ATP10A: variants seen among roughly 807,000 people sequenced by gnomAD.
ATP10A encodes the protein ATPase phospholipid transporting 10A (putative), also known as phospholipid-transporting ATPase VA.
A neutral mutation model predicts 147.8 loss-of-function variants in ATP10A; 111 were observed. That is an observed-to-expected ratio of 0.75 (90% CI 0.64 to 0.88). ATP10A has a LOEUF of 0.88. ATP10A is among the 40% of genes least tolerant of loss of function. ATP10A has a pLI of 0.00. For synonymous variants in ATP10A, 875 were observed against 841.6 expected (o/e 1.04, Z -0.69); for missense variants, 1,927 against 1,959.0 (o/e 0.98, Z 0.31).
intron 2 of ATP10A, among the ~76,000 whole-genome samples, chr15:25,744,922 A>G (rs904583786): frequency 2.6e-5 from 4 of 152,224 alleles, no homozygotes; most frequent in African/African-American, 9.6e-5. Flanking sequence ...AAATCTGACT[A>G]AAAAGCAACA....
chr15:25,753,082 G>A (rs181778724), intron 2 of ATP10A, among the ~76,000 whole-genome samples: 4 of 152,220 alleles, frequency 2.6e-5, no homozygotes, highest in African/African-American at 7.2e-5. Context: ...AGTACCTGAC[G>A]ATTTTGTGGT....
At chr15:25,833,782 C>G (rs1892469927) in intron 1 of ATP10A, among the ~76,000 whole-genome samples, 1 of 152,192 alleles carries the variant, frequency 6.6e-6, no homozygotes, top group African/African-American at 2.4e-5. Flanking sequence ...ACCATCCTGG[C>G]TAATACGGTG....
intron 1 of ATP10A, among the ~76,000 whole-genome samples, chr15:25,785,194 C>A (rs1222579088): frequency 3.9e-5 from 6 of 152,122 alleles, no homozygotes; most frequent in African/African-American, 1.4e-4. Context: ...CTAATGTCCC[C>A]TGAACTGTGT....
chr15:25,817,682 T>C (rs1348578), intron 1 of ATP10A, among the ~76,000 whole-genome samples: 145,882 of 152,274 alleles, frequency 0.96, 70,215 homozygotes, highest in East Asian at 1. Context: ...ACACTGATCA[T>C]CACCATGGTT....
At position 25,679,735 on chromosome 15, in the gene ATP10A, T is replaced by C; in HGVS notation, c.4106A>G (p.Glu1369Gly). The change falls in exon 21 of 21, where the codon GAG becomes GGG. Residue 1369 changes from glutamate to glycine, a missense_variant. Physicochemically the swap from Glu to Gly is moderately conservative, Grantham distance 98. Coordinates refer to ENST00000555815, the MANE Select transcript of ATP10A (RefSeq NM_024490.4). ...QPVCSLEASG[E>G]PSTVDMSMPV... ...CATGCTCATGTCCACTGTGCTGGGC[T>C]CCCCGCTGGCCTCCAGGGAGCAGAC... 6.2e-7 allele frequency: 1 copy of C among 1,613,258 alleles called. No individual in the cohort carries two copies. The highest frequency in any genetic ancestry group is 8.5e-7 in the Non-Finnish European group (1 of 1,179,926).
intron 1 of ATP10A, among the ~76,000 whole-genome samples, chr15:25,787,990 TTCCCGCTAGGG>T (rs1890248995): frequency 6.6e-6 from 1 of 152,006 alleles, no homozygotes; most frequent in Non-Finnish European, 1.5e-5. Context: ...ACTGAGAGAG[TTCCCGCTAGGG>T]CAGGGTAGCT....
chr15:25,790,483 C>A (rs1450549782), intron 1 of ATP10A, among the ~76,000 whole-genome samples: 1 of 152,166 alleles, frequency 6.6e-6, no homozygotes. Flanking sequence ...GCGGAACTCA[C>A]CCCCAGAGGG....
intron 12 of ATP10A, among the ~76,000 whole-genome samples, chr15:25,703,851 C>G (rs922888553): frequency 6.6e-6 from 1 of 152,194 alleles, no homozygotes; most frequent in African/African-American, 2.4e-5. Context: ...CGGGGATGTA[C>G]TGGAAGGTGA....
chr15:25,830,833 T>G (rs1892323540), intron 1 of ATP10A, among the ~76,000 whole-genome samples: 1 of 152,200 alleles, frequency 6.6e-6, no homozygotes, highest in Non-Finnish European at 1.5e-5. Flanking sequence ...AGCACTTACC[T>G]GCTCCTGGGA....
At chr15:25,736,010 AGTT>A in intron 3 of ATP10A, 43 bp downstream of exon 3, 1 of 1,434,098 alleles carries the variant, frequency 7.0e-7, no homozygotes, top group South Asian at 1.1e-5. Context: ...CTGCCTATGT[AGTT>A]ATCAAACAGA....
At chr15:25,753,183 A>G (rs1034910285) in intron 2 of ATP10A, among the ~76,000 whole-genome samples, 4 of 152,080 alleles carry the variant, frequency 2.6e-5, no homozygotes, top group Non-Finnish European at 5.9e-5. Flanking sequence ...ACAGAACTCA[A>G]AAAATATGTA....
rs1901969200 is a variant in ATP10A, at chr15:25,718,367, A to T, written c.1396T>A (p.Ser466Thr). The T allele has an allele frequency of 6.2e-7, 1 of 1,607,556 alleles. No homozygotes were observed. The highest frequency in any genetic ancestry group is 1.8e-4 in the Middle Eastern group (1 of 5,516). Reference sequence around the variant, plus strand: ...CTGGGCACCACCTCCTCCTCCTCCGAGTCTGCCTCTTGGTACCTGGCCAGA... The same window carrying T: ...CTGGGCACCACCTCCTCCTCCTCCGTGTCTGCCTCTTGGTACCTGGCCAGA... ...QRLARYQEAD[S>T]EEEEVVPRGG... is the part of the protein sequence containing the mutation. Residue 466 changes from serine to threonine, a missense_variant, in exon 8 of 21, where the codon TCG becomes ACG. Ser to Thr is a moderately conservative substitution (Grantham distance 58, BLOSUM62 1). Coordinates refer to ENST00000555815, the MANE Select transcript of ATP10A (RefSeq NM_024490.4).
intron 1 of ATP10A, among the ~76,000 whole-genome samples, chr15:25,823,007 G>A (rs1891952893): frequency 6.6e-6 from 1 of 150,514 alleles, no homozygotes; most frequent in South Asian, 2.1e-4. Flanking sequence ...AAAAAAATAA[G>A]AACTATTGAT....
At chr15:25,814,871 T>A (rs1269123329) in intron 1 of ATP10A, among the ~76,000 whole-genome samples, 4 of 152,166 alleles carry the variant, frequency 2.6e-5, no homozygotes, top group Non-Finnish European at 4.4e-5. Context: ...ACTGCAAAGC[T>A]TGTCACAGCC....
At chr15:25,763,732 C>G (rs1888878023) in intron 2 of ATP10A, among the ~76,000 whole-genome samples, 2 of 152,166 alleles carry the variant, frequency 1.3e-5, no homozygotes, top group African/African-American at 4.8e-5. Context: ...TAATTAACTA[C>G]TTTGCAGATG....
chr15:25,697,765 T>C (rs1209448256), intron 13 of ATP10A, among the ~76,000 whole-genome samples: 1 of 152,170 alleles, frequency 6.6e-6, no homozygotes, highest in East Asian at 1.9e-4. Context: ...TCGGAAGAAT[T>C]CAGTATGGGA....
intron 1 of ATP10A, chr15:25,862,199 C>T (rs1221858758): frequency 1.1e-5 from 5 of 457,362 alleles, no homozygotes; most frequent in African/African-American, 8.0e-5. Context: ...TGTCCTGAGC[C>T]GAGCTGTTAG....
chr15:25,754,248 C>T (rs1354996067), intron 2 of ATP10A, among the ~76,000 whole-genome samples: 2 of 152,182 alleles, frequency 1.3e-5, no homozygotes, highest in African/African-American at 4.8e-5. Context: ...ATTCTCCTGC[C>T]TCAGCCTCCC....
At chr15:25,688,571 A>G (rs1470421803) in intron 15 of ATP10A, among the ~76,000 whole-genome samples, 1 of 150,316 alleles carries the variant, frequency 6.7e-6, no homozygotes, top group Non-Finnish European at 1.5e-5. Context: ...CCCACTGTAC[A>G]ATAAATGTCT....
Sources: gnomAD v4.1 joint callset for allele counts (sites outside exome capture counted in the v4.1 genomes callset) on GRCh38, gnomAD v4.1.1 for gene constraint, MANE v1.5 for transcripts, NCBI Gene and HGNC (gene_info 2026-07-23, HGNC 2026-07-21) for gene names.